The following MAF variants were observed in gnomAD, a reference collection of about 807,000 sequenced individuals.
MAF encodes the protein MAF bZIP transcription factor.
Under a neutral mutation model 22.0 loss-of-function variants are expected in MAF, and 10 were observed. That is an observed-to-expected ratio of 0.45 (90% CI 0.28 to 0.77). The LOEUF is 0.77. Among genes scored for constraint, MAF ranks in the 30% least tolerant of loss-of-function variants. The probability of loss-of-function intolerance (pLI) is 0.12; values close to 1 mark genes in which losing one functional copy is unlikely to be tolerated. For synonymous variants in MAF, 337 were observed against 255.8 expected (o/e 1.32, Z -3.03); for missense variants, 544 against 548.4 (o/e 0.99, Z 0.08).
chr16:79,583,956 G>C (rs909568262), downstream of MAF, among the ~76,000 whole-genome samples: 2 of 152,166 alleles, frequency 1.3e-5, no homozygotes, highest in African/African-American at 4.8e-5. Flanking sequence ...GTTGATGTGC[G>C]TATGTTAAGC....
At chr16:79,347,671 C>G in the MAF span, among the ~76,000 whole-genome samples, 1 of 152,178 alleles carries the variant, frequency 6.6e-6, no homozygotes, top group Admixed American at 6.5e-5. Context: ...CTCCGCCGGG[C>G]TGGGGACAGT....
the MAF span, among the ~76,000 whole-genome samples, chr16:79,430,744 C>T: frequency 1.3e-5 from 2 of 152,212 alleles, no homozygotes; most frequent in Non-Finnish European, 2.9e-5. Context: ...ATACATAAAG[C>T]CCAGTCCTTC....
At chr16:79,334,514 G>A in the MAF span, among the ~76,000 whole-genome samples, 1 of 152,172 alleles carries the variant, frequency 6.6e-6, no homozygotes, top group Non-Finnish European at 1.5e-5. Flanking sequence ...TTACATGGGT[G>A]TAGACATGGA....
At chr16:79,368,302 T>G in the MAF span, among the ~76,000 whole-genome samples, 25 of 152,238 alleles carry the variant, frequency 1.6e-4, no homozygotes, top group East Asian at 4.5e-3. Flanking sequence ...CTGCTTGAAA[T>G]CATCCATAAG....
the MAF span, among the ~76,000 whole-genome samples, chr16:79,422,180 T>C: frequency 6.6e-6 from 1 of 152,182 alleles, no homozygotes; most frequent in Non-Finnish European, 1.5e-5. Context: ...GCTGATGTGT[T>C]ATTTTGGGTT....
the MAF span, among the ~76,000 whole-genome samples, chr16:79,440,352 G>T: frequency 1.7e-4 from 26 of 152,208 alleles, no homozygotes; most frequent in African/African-American, 6.0e-4. Flanking sequence ...GGTGCCTAGC[G>T]CACAGTAGGT....
chr16:79,254,388 C>G, the MAF span, among the ~76,000 whole-genome samples: 4 of 152,084 alleles, frequency 2.6e-5, no homozygotes, highest in African/African-American at 9.7e-5. Context: ...TTATTCCATC[C>G]AAGGATCCTC....
At chr16:79,333,086 C>T in the MAF span, among the ~76,000 whole-genome samples, 19 of 152,368 alleles carry the variant, frequency 1.2e-4, no homozygotes, top group East Asian at 3.9e-4. Flanking sequence ...AGGATAGGCG[C>T]TGCAGTCCTC....
chr16:79,526,325 T>A, the MAF span, among the ~76,000 whole-genome samples: 16 of 152,304 alleles, frequency 1.1e-4, no homozygotes, highest in South Asian at 1.7e-3. Flanking sequence ...ATTCCTCACA[T>A]GCACAGCTCA....
chr16:79,291,075 C>T, the MAF span, among the ~76,000 whole-genome samples: 114 of 152,128 alleles, frequency 7.5e-4, no homozygotes, highest in Non-Finnish European at 1.4e-3. Context: ...TCCACATCTC[C>T]CATAGGACCC....
At chr16:79,508,717 T>G in the MAF span, among the ~76,000 whole-genome samples, 3 of 152,098 alleles carry the variant, frequency 2.0e-5, no homozygotes, top group African/African-American at 7.2e-5. Context: ...AACCAAAAAC[T>G]TGCATGGACC....
chr16:79,416,500 A>G, the MAF span, among the ~76,000 whole-genome samples: 1 of 18,978 alleles, frequency 5.3e-5, no homozygotes, highest in Non-Finnish European at 7.6e-5. Context: ...GTTAAATTGC[A>G]AAAAAAAAAA....
the MAF span, among the ~76,000 whole-genome samples, chr16:79,507,907 C>T: frequency 2.0e-5 from 3 of 152,056 alleles, no homozygotes; most frequent in African/African-American, 4.8e-5. Context: ...TTGTTATTAC[C>T]TGAAAGCATT....
chr16:79,249,810 T>G, the MAF span, among the ~76,000 whole-genome samples: 34 of 152,246 alleles, frequency 2.2e-4, no homozygotes, highest in Non-Finnish European at 4.4e-4. Flanking sequence ...AACTTGCAAT[T>G]GCTTTTTTTG....
At chr16:79,268,764 GAA>G in the MAF span, among the ~76,000 whole-genome samples, 13 of 152,180 alleles carry the variant, frequency 8.5e-5, no homozygotes, top group African/African-American at 3.1e-4. Flanking sequence ...CCAATCCTGA[GAA>G]AGAAATTCTC....
the MAF span, among the ~76,000 whole-genome samples, chr16:79,240,409 C>G: frequency 1.4e-5 from 2 of 146,322 alleles, no homozygotes; most frequent in Non-Finnish European, 3.0e-5. Context: ...TTCAGGACCT[C>G]TCTAGCCAAC....
the MAF span, among the ~76,000 whole-genome samples, chr16:79,500,950 A>C: frequency 0.042 from 6,450 of 152,214 alleles, 449 homozygotes; most frequent in African/African-American, 0.14. Flanking sequence ...TGGTGTTGCT[A>C]TATCCTGATC....
chr16:79,249,377 C>A, the MAF span, among the ~76,000 whole-genome samples: 3 of 150,084 alleles, frequency 2.0e-5, no homozygotes, highest in South Asian at 6.3e-4. Flanking sequence ...CAAGATCATG[C>A]CACTGCACTC....
the MAF span, among the ~76,000 whole-genome samples, chr16:79,567,744 C>T: frequency 6.6e-6 from 1 of 152,190 alleles, no homozygotes; most frequent in African/African-American, 2.4e-5. Flanking sequence ...ATAAGTAAAT[C>T]CCATCTACAG....
Sources: allele counts gnomAD v4.1 joint callset (sites outside exome capture counted in the v4.1 genomes callset), GRCh38; gene constraint gnomAD v4.1.1; transcripts MANE v1.5; gene names NCBI Gene and HGNC (gene_info 2026-07-23, HGNC 2026-07-21).